PDE11A: variants seen among roughly 807,000 people sequenced by gnomAD.
The protein encoded by PDE11A is phosphodiesterase 11A, also known as dual 3',5'-cyclic-AMP and -GMP phosphodiesterase 11A.
Under a neutral mutation model 100.5 loss-of-function variants are expected in PDE11A, and 100 were observed. The ratio of observed to expected loss-of-function variants is 1.00; its 90% CI spans 0.85 to 1.18. The LOEUF is 1.18. PDE11A is among the 50% of genes most tolerant of loss of function. PDE11A has a pLI of 0.00. For synonymous variants in PDE11A, 381 were observed against 420.8 expected, an observed-to-expected ratio of 0.91 and a Z score of 1.16; for missense variants, 1,141 against 1,152.6, an observed-to-expected ratio of 0.99 and a Z score of 0.15.
chr2:178,094,995 C>G (rs2087470186), intron 2 of PDE11A, among the ~76,000 whole-genome samples: 1 of 152,268 alleles, frequency 6.6e-6, no homozygotes, highest in East Asian at 1.9e-4. Flanking sequence ...ATGGGGATTG[C>G]AATTCGAGAT....
intron 10 of PDE11A, among the ~76,000 whole-genome samples, chr2:177,764,496 T>C (rs982723671): frequency 2.0e-5 from 3 of 152,250 alleles, no homozygotes; most frequent in South Asian, 2.1e-4. Context: ...GTCCACCGCA[T>C]TGCAATTTAA....
chr2:177,742,909 G>A (rs182457639), intron 10 of PDE11A, among the ~76,000 whole-genome samples: 20 of 152,300 alleles, frequency 1.3e-4, no homozygotes, highest in Admixed American at 1.2e-3. Context: ...TAAGAGGAGA[G>A]GTGGCAGAGC....
At chr2:177,979,207 G>T (rs1309472309) in intron 2 of PDE11A, among the ~76,000 whole-genome samples, 1 of 150,476 alleles carries the variant, frequency 6.6e-6, no homozygotes, top group Non-Finnish European at 1.5e-5. Flanking sequence ...GTCCCAGATT[G>T]CAATCCCTTG....
intron 19 of PDE11A, among the ~76,000 whole-genome samples, chr2:177,644,064 C>T (rs535239113): frequency 6.6e-6 from 1 of 152,352 alleles, no homozygotes; most frequent in East Asian, 1.9e-4. Context: ...AGAACCTCTG[C>T]TAGGGCAGTG....
At chr2:177,877,842 A>C (rs1313568034) in intron 4 of PDE11A, among the ~76,000 whole-genome samples, 2 of 152,140 alleles carry the variant, frequency 1.3e-5, no homozygotes, top group Non-Finnish European at 2.9e-5. Flanking sequence ...CCTATAGTGA[A>C]AGGAGTCCAT....
intron 9 of PDE11A, among the ~76,000 whole-genome samples, chr2:177,810,108 G>T (rs2082927271): frequency 6.6e-6 from 1 of 152,124 alleles, no homozygotes. Flanking sequence ...TGTACCCATG[G>T]CTTATGAAGG....
chr2:178,076,230 C>G (rs1195864116), upstream of PDE11A, among the ~76,000 whole-genome samples: 1 of 152,170 alleles, frequency 6.6e-6, no homozygotes, highest in Non-Finnish European at 1.5e-5. Flanking sequence ...AAAGATTGTC[C>G]AAGTAGCCTC....
intron 15 of PDE11A, among the ~76,000 whole-genome samples, chr2:177,695,064 C>T (rs2081090392): frequency 6.9e-6 from 1 of 144,386 alleles, no homozygotes; most frequent in Non-Finnish European, 1.5e-5. Flanking sequence ...TTCTGTGATT[C>T]TTGGTTTTCT....
intron 19 of PDE11A, among the ~76,000 whole-genome samples, chr2:177,655,338 G>T (rs1209205246): frequency 6.6e-6 from 1 of 152,070 alleles, no homozygotes; most frequent in Non-Finnish European, 1.5e-5. Flanking sequence ...TGTTTATCAG[G>T]TCAAAAGACT....
At chr2:177,935,493 C>T (rs913719556) in intron 2 of PDE11A, among the ~76,000 whole-genome samples, 1 of 152,164 alleles carries the variant, frequency 6.6e-6, no homozygotes, top group African/African-American at 2.4e-5. Flanking sequence ...CCTCAAATTG[C>T]CCCCTTAGTG....
At chr2:177,889,909 C>T (rs2084502809) in intron 4 of PDE11A, among the ~76,000 whole-genome samples, 1 of 151,954 alleles carries the variant, frequency 6.6e-6, no homozygotes, top group Non-Finnish European at 1.5e-5. Context: ...TTTTCACATC[C>T]CTTCCTACTT....
At chr2:177,700,687 G>T (rs2105540205) in intron 14 of PDE11A, among the ~76,000 whole-genome samples, 1 of 152,276 alleles carries the variant, frequency 6.6e-6, no homozygotes, top group Non-Finnish European at 1.5e-5. Flanking sequence ...TTTCTCAATT[G>T]TGCTAATGAA....
intron 2 of PDE11A, among the ~76,000 whole-genome samples, chr2:177,946,014 C>A (rs1451410303): frequency 6.7e-5 from 10 of 148,858 alleles, no homozygotes; most frequent in Admixed American, 4.6e-4. Context: ...GGGGGTCAGC[C>A]CCCCCACCCG....
intron 2 of PDE11A, among the ~76,000 whole-genome samples, chr2:178,084,458 A>C (rs1175291491): frequency 1.3e-5 from 2 of 152,230 alleles, no homozygotes; most frequent in African/African-American, 4.8e-5. Context: ...TGGATTTTAC[A>C]AAGGCTTGGT....
chr2:177,841,654 A>C (rs2083492830), intron 5 of PDE11A, among the ~76,000 whole-genome samples: 1 of 152,228 alleles, frequency 6.6e-6, no homozygotes, highest in African/African-American at 2.4e-5. Flanking sequence ...CTCATCTGTA[A>C]TGATTGCTGG....
intron 2 of PDE11A, among the ~76,000 whole-genome samples, chr2:177,949,705 T>A (rs1251744411): frequency 6.6e-6 from 1 of 152,214 alleles, no homozygotes; most frequent in African/African-American, 2.4e-5. Context: ...ATGACTTGAT[T>A]AATATGACTC....
intron 2 of PDE11A, among the ~76,000 whole-genome samples, chr2:178,083,572 C>T (rs1486709163): frequency 2.0e-5 from 3 of 152,156 alleles, no homozygotes; most frequent in East Asian, 1.9e-4. Context: ...AAGCACATGT[C>T]GAGGGCAGTC....
intron 2 of PDE11A, among the ~76,000 whole-genome samples, chr2:178,013,372 C>T (rs979801493): frequency 6.6e-6 from 1 of 152,086 alleles, no homozygotes; most frequent in Non-Finnish European, 1.5e-5. Flanking sequence ...AGAGTTGGGC[C>T]GTCTCAATTC....
At position 177,744,848 on chromosome 2, in the gene PDE11A, C is replaced by T. The variant is rs1341027516; in HGVS notation, c.1789-16676G>A. 2.6e-5 allele frequency among the ~76,000 whole-genome samples: 4 copies of T among 152,182 alleles called. No homozygotes were observed. The East Asian group carries it at 5.8e-4, about 22-fold the overall frequency. On this transcript the variant is annotated intron_variant, in intron 10 of 19. Transcript: ENST00000286063. ...GAGCAGAAACCATAGGTTTATCATA[C>T]GGTTTTGCTAGCTCTCTTGTTTTAT...
Sources: allele counts gnomAD v4.1 joint callset (sites outside exome capture counted in the v4.1 genomes callset), GRCh38; gene constraint gnomAD v4.1.1; transcripts MANE v1.5; gene names NCBI Gene and HGNC (gene_info 2026-07-23, HGNC 2026-07-21).